The following CPNE8 variants were observed in gnomAD, a reference collection of about 807,000 sequenced individuals.
CPNE8 encodes the protein copine 8, also known as copine-8.
In CPNE8, 45 loss-of-function variants were observed where a neutral mutation model predicts 81.5. The ratio of observed to expected loss-of-function variants is 0.55; its 90% CI spans 0.44 to 0.71. CPNE8 has a LOEUF of 0.71. Ranked by LOEUF, CPNE8 falls within the 30% of genes least tolerant of loss-of-function variation. The pLI, the probability that CPNE8 is intolerant of heterozygous loss-of-function variation, is 0.00. For synonymous variants in CPNE8, 252 were observed against 226.3 expected, an observed-to-expected ratio of 1.11 and a Z score of -1.02; for missense variants, 594 against 672.1, an observed-to-expected ratio of 0.88 and a Z score of 1.28.
intron 13 of CPNE8, among the ~76,000 whole-genome samples, chr12:38,708,538 C>T (rs1428876812): frequency 6.6e-6 from 1 of 152,146 alleles, no homozygotes; most frequent in African/African-American, 2.4e-5. Context: ...ATCCAGTTAG[C>T]AGCATTATAT....
At chr12:38,830,798 G>GGGAACTGA (rs1334743279) in intron 5 of CPNE8, among the ~76,000 whole-genome samples, 4 of 152,164 alleles carry the variant, frequency 2.6e-5, no homozygotes, top group African/African-American at 9.7e-5. Context: ...TCTCAGATAA[G>GGGAACTGA]GGAACTGAGG....
rs71461502 is a variant in CPNE8 at position 38,806,759 on chromosome 12, T to C, written c.407+22620A>G. ...TGTTGGAAGTTCTGGCCAGGGCAAT[T>C]AGGCAGGAGAAGGAAATAAAGGGTA... On this transcript the variant is annotated intron_variant, in intron 6 of 19. Transcript: ENST00000331366. 2.8e-4 allele frequency among the ~76,000 whole-genome samples: 41 copies of C among 145,630 alleles called. 2 individuals are homozygous for C. The highest frequency in any genetic ancestry group is 1.0e-3 in the East Asian group (4 of 3,992).
chr12:38,685,997 T>C (rs1939526738), intron 15 of CPNE8, among the ~76,000 whole-genome samples: 1 of 152,146 alleles, frequency 6.6e-6, no homozygotes, highest in Non-Finnish European at 1.5e-5. Flanking sequence ...ACCAACGTAT[T>C]AATAGTGGCT....
intron 7 of CPNE8, among the ~76,000 whole-genome samples, chr12:38,770,341 G>A (rs935223912): frequency 2.0e-5 from 3 of 152,098 alleles, no homozygotes; most frequent in East Asian, 1.9e-4. Context: ...ACCACCAGTT[G>A]CATCATTTAC....
Position 38,813,963 on chromosome 12 carries a change from T to A in CPNE8, c.407+15416A>T, listed in dbSNP as rs144777397. Among the ~76,000 whole-genome samples, 54 of 150,940 alleles carry A rather than the reference T, an allele frequency of 3.6e-4. No homozygotes were observed. In the East Asian group the frequency reaches 7.4e-3, roughly 21 times the overall value. ...CCTGGGGTACATGACACGGAGGAGG[T>A]CCCTGACTCCAGGTATGCCACTGGA... On this transcript the variant is annotated intron_variant, in intron 6 of 19. Coordinates refer to ENST00000331366, the MANE Select transcript of CPNE8 (RefSeq NM_153634.3).
intron 1 of CPNE8, among the ~76,000 whole-genome samples, chr12:38,904,384 T>C (rs902946036): frequency 2.6e-5 from 4 of 152,126 alleles, no homozygotes; most frequent in Admixed American, 2.6e-4. Context: ...GATGCTGCTT[T>C]ATTTACAGGG....
At chr12:38,806,472 C>T (rs1942806866) in intron 6 of CPNE8, among the ~76,000 whole-genome samples, 4 of 149,992 alleles carry the variant, frequency 2.7e-5, no homozygotes, top group Admixed American at 2.7e-4. Context: ...AAATGTAATC[C>T]AGCATATAAA....
intron 1 of CPNE8, among the ~76,000 whole-genome samples, chr12:38,882,169 T>C (rs1012746485): frequency 6.6e-6 from 1 of 152,214 alleles, no homozygotes; most frequent in African/African-American, 2.4e-5. Flanking sequence ...TTACCCTGGA[T>C]TATCTTGGAA....
intron 19 of CPNE8, among the ~76,000 whole-genome samples, chr12:38,669,726 G>T (rs1204148793): frequency 6.6e-6 from 1 of 152,164 alleles, no homozygotes; most frequent in Non-Finnish European, 1.5e-5. Flanking sequence ...GGGAGGGAAA[G>T]TCTCTTAGGC....
intron 4 of CPNE8, among the ~76,000 whole-genome samples, chr12:38,847,301 C>A (rs1010554390): frequency 3.3e-5 from 5 of 152,028 alleles, no homozygotes; most frequent in Admixed American, 6.6e-5. Flanking sequence ...AAAGTTAAGT[C>A]TGGGATTAAG....
At chr12:38,802,542 T>C (rs372686730) in intron 6 of CPNE8, among the ~76,000 whole-genome samples, 1 of 79,234 alleles carries the variant, frequency 1.3e-5, no homozygotes. Context: ...ACTAAACGCC[T>C]ACAAGAGAAA....
chr12:38,783,219 G>A (rs902441802), intron 6 of CPNE8, among the ~76,000 whole-genome samples: 2 of 152,102 alleles, frequency 1.3e-5, no homozygotes, highest in African/African-American at 4.8e-5. Flanking sequence ...TGATGAAATA[G>A]AGGGCTCCAT....
rs145578780 is a variant in CPNE8 at position 38,747,505 on chromosome 12, A to T, written c.722+13342T>A. ...AAAAATGTTGAGGATACAGAATTGC[A>T]TTAAAAAAGGAGTAAAAAGTGTATT... On this transcript the variant is annotated intron_variant, in intron 10 of 19. Transcript: ENST00000331366. Among the ~76,000 whole-genome samples the T allele has an allele frequency of 3.0e-4, 45 of 152,294 alleles. No homozygotes were observed. The East Asian group carries it at 6.9e-3, about 24-fold the overall frequency.
chr12:38,905,829 G>T, upstream of CPNE8: 1 of 985,334 alleles, frequency 1.0e-6, no homozygotes, highest in Non-Finnish European at 1.2e-6. Flanking sequence ...CACACTCCGT[G>T]ATCCCCTCCT....
At chr12:38,833,387 C>A (rs970291935) in intron 5 of CPNE8, among the ~76,000 whole-genome samples, 6 of 148,106 alleles carry the variant, frequency 4.1e-5, no homozygotes, top group Admixed American at 6.7e-5. Context: ...AGAAAAGATA[C>A]CTTTGGCTTT....
chr12:38,685,743 T>C (rs1194653284), intron 15 of CPNE8, 126 bp from the exon 16 acceptor site: 6 of 885,086 alleles, frequency 6.8e-6, no homozygotes, highest in East Asian at 5.4e-5. Context: ...CTCTTATTCA[T>C]AAATTTACAA....
At chr12:38,854,690 C>A (rs1430063499) in intron 3 of CPNE8, among the ~76,000 whole-genome samples, 1 of 151,974 alleles carries the variant, frequency 6.6e-6, no homozygotes, top group East Asian at 1.9e-4. Flanking sequence ...CTCAATGGAG[C>A]CAAAAAGGCT....
chr12:38,897,561 T>C lies in CPNE8; in HGVS notation c.98+7876A>G, dbSNP rs143489957. 1.0e-3 allele frequency among the ~76,000 whole-genome samples: 159 copies of C among 151,620 alleles called. 1 individual carries two copies. Among genetic ancestry groups the C allele is most frequent in the African/African-American group, 3.5e-3 (147 of 41,434 alleles). On this transcript the variant is annotated intron_variant, in intron 1 of 19. Transcript: ENST00000331366. Reference sequence around the variant, plus strand: ...ACTAATAACAACAACATATTCATGATATAATATTAAGGGAAAAGTACAGGA... The same window carrying C: ...ACTAATAACAACAACATATTCATGACATAATATTAAGGGAAAAGTACAGGA...
chr12:38,686,632 G>A (rs555399310), intron 15 of CPNE8, among the ~76,000 whole-genome samples: 4 of 152,300 alleles, frequency 2.6e-5, no homozygotes, highest in Admixed American at 6.5e-5. Context: ...AGCTCAGCAC[G>A]GTGGTTCCTG....
Sources: gnomAD v4.1 joint callset for allele counts (sites outside exome capture counted in the v4.1 genomes callset) on GRCh38, gnomAD v4.1.1 for gene constraint, MANE v1.5 for transcripts, NCBI Gene and HGNC (gene_info 2026-07-23, HGNC 2026-07-21) for gene names.